The following SH3KBP1 variants were observed in gnomAD, a reference collection of about 807,000 sequenced individuals.
The protein encoded by SH3KBP1 is SH3 domain containing kinase binding protein 1.
Under a neutral mutation model 50.1 loss-of-function variants are expected in SH3KBP1, and 8 were observed. That is an observed-to-expected ratio of 0.16 (90% CI 0.09 to 0.29). The LOEUF is 0.29. Among genes scored for constraint, SH3KBP1 ranks in the 10% least tolerant of loss-of-function variants. The pLI is 1.00. For synonymous variants in SH3KBP1, 227 were observed against 218.6 expected, an observed-to-expected ratio of 1.04 and a Z score of -0.34; for missense variants, 377 against 535.2, an observed-to-expected ratio of 0.70 and a Z score of 2.92.
At chrX:19,630,928 G>A (rs2061561134) in intron 8 of SH3KBP1, among the ~76,000 whole-genome samples, 1 of 111,590 alleles carries the variant, frequency 9.0e-6, no homozygotes. Context: ...CTCAGTAATG[G>A]CCACAGTCGG....
intron 2 of SH3KBP1, among the ~76,000 whole-genome samples, chrX:19,788,863 C>A (rs1464896637): frequency 1.8e-5 from 2 of 112,392 alleles, no homozygotes; most frequent in Non-Finnish European, 3.8e-5. Context: ...CGGTGGCTCA[C>A]GCCTGTAATC....
chrX:19,782,628 A>G (rs141946120), intron 2 of SH3KBP1, among the ~76,000 whole-genome samples: 20 of 111,919 alleles, frequency 1.8e-4, no homozygotes, highest in Non-Finnish European at 2.8e-4. Context: ...ACCTAGTGAC[A>G]TTCTGAGAAT....
intron 7 of SH3KBP1, among the ~76,000 whole-genome samples, chrX:19,642,472 C>T (rs2061881834): frequency 8.9e-6 from 1 of 112,269 alleles, no homozygotes; most frequent in Non-Finnish European, 1.9e-5. Flanking sequence ...GTCCTGCAGT[C>T]ATAATTTATG....
chrX:19,572,583 A>T (rs933680132), intron 12 of SH3KBP1, among the ~76,000 whole-genome samples: 1 of 109,588 alleles, frequency 9.1e-6, no homozygotes, highest in Non-Finnish European at 1.9e-5. Flanking sequence ...TTTTTAAGAC[A>T]TGGTCTCATT....
chrX:19,712,849 T>C (rs2063811924), intron 3 of SH3KBP1, among the ~76,000 whole-genome samples: 1 of 111,608 alleles, frequency 9.0e-6, no homozygotes, highest in African/African-American at 3.3e-5. Flanking sequence ...ACATCACCTA[T>C]AGAATACTTC....
At chrX:19,564,469 A>G (rs1488568250) in intron 13 of SH3KBP1, among the ~76,000 whole-genome samples, 7 of 109,128 alleles carry the variant, frequency 6.4e-5, no homozygotes, top group Non-Finnish European at 9.5e-5. Flanking sequence ...CAAATCCAAT[A>G]CTCTTTCTAT....
chrX:19,724,835 G>A (rs907283323), intron 3 of SH3KBP1, among the ~76,000 whole-genome samples: 2 of 111,729 alleles, frequency 1.8e-5, no homozygotes, highest in African/African-American at 6.5e-5. Context: ...CTGCTTTTGA[G>A]GCAGGGTTAT....
chrX:19,766,683 T>G (rs1182714954), intron 2 of SH3KBP1, among the ~76,000 whole-genome samples: 1 of 107,370 alleles, frequency 9.3e-6, no homozygotes. Flanking sequence ...TTTTGTATTT[T>G]TAGTAGAGAT....
At chrX:19,856,498 T>C (rs1292937508) in intron 1 of SH3KBP1, among the ~76,000 whole-genome samples, 2 of 111,748 alleles carry the variant, frequency 1.8e-5, no homozygotes, top group African/African-American at 3.3e-5. Context: ...ACATCCCCAC[T>C]TCCTTTTCTC....
At chrX:19,660,150 C>T (rs1446893136) in intron 6 of SH3KBP1, among the ~76,000 whole-genome samples, 1 of 112,471 alleles carries the variant, frequency 8.9e-6, no homozygotes, top group South Asian at 3.7e-4. Flanking sequence ...AGAAGACTTA[C>T]AGTTATGCAA....
chrX:19,668,972 A>T (rs963974883), intron 6 of SH3KBP1, among the ~76,000 whole-genome samples: 4,160 of 52,076 alleles, frequency 0.08, 338 homozygotes, highest in African/African-American at 0.31. Flanking sequence ...ATATATATAT[A>T]TATTTTTTGA....
At chrX:19,641,929 C>T (rs1375777839) in intron 7 of SH3KBP1, among the ~76,000 whole-genome samples, 1 of 111,753 alleles carries the variant, frequency 8.9e-6, no homozygotes, top group Non-Finnish European at 1.9e-5. Flanking sequence ...AGCCTTGGAC[C>T]TCCTGGGCTC....
chrX:19,572,666 G>C (rs2066081022), intron 12 of SH3KBP1, among the ~76,000 whole-genome samples: 1 of 110,475 alleles, frequency 9.1e-6, no homozygotes, highest in Non-Finnish European at 1.9e-5. Flanking sequence ...TGGATTTTAT[G>C]CATCAGTGTG....
chrX:19,621,073 CTT>C (rs1186690221), intron 8 of SH3KBP1, among the ~76,000 whole-genome samples: 1 of 32,674 alleles, frequency 3.1e-5, no homozygotes, highest in Non-Finnish European at 5.9e-5. Context: ...TCTTTTCTTT[CTT>C]TTTTTTTTTT....
intron 8 of SH3KBP1, among the ~76,000 whole-genome samples, chrX:19,615,163 A>AC (rs974251641): frequency 3.5e-5 from 4 of 112,906 alleles, no homozygotes; most frequent in Non-Finnish European, 7.5e-5. Flanking sequence ...AAGGAAGGCT[A>AC]CATTTTCTCA....
In SH3KBP1 at chrX:19,794,746, C is replaced by G. The variant is rs138768323; in HGVS notation, c.162+41379G>C. Among the ~76,000 whole-genome samples, 552 of 111,771 alleles carry G rather than the reference C, an allele frequency of 4.9e-3. 3 individuals carry two copies. Among genetic ancestry groups the G allele is most frequent in the African/African-American group, 0.017 (524 of 30,768 alleles). On this transcript the variant is annotated intron_variant, in intron 2 of 17. Coordinates refer to ENST00000397821, the MANE Select transcript of SH3KBP1 (RefSeq NM_031892.3). ...AATAAAATAAAGAAGAAAATGATAA[C>G]AGTGCCTGCCTCACAGCCTTGTAGT...
rs1031143555 is a variant in SH3KBP1 at position 19,660,496 on chromosome X, A to G, written c.727-15021T>C. Among the ~76,000 whole-genome samples the G allele has an allele frequency of 3.6e-5, 4 of 111,834 alleles. No homozygotes were observed. In the Admixed American group the frequency reaches 3.8e-4, roughly 11 times the overall value. ...ATAACTGAAAAATGGAAAGAGAAGG[A>G]AAGCAACAGCCATCACCACAGAAGT... On this transcript the variant is annotated intron_variant, in intron 6 of 17. Transcript: ENST00000397821.
chrX:19,853,487 A>G (rs2068563634), intron 1 of SH3KBP1, among the ~76,000 whole-genome samples: 1 of 111,393 alleles, frequency 9.0e-6, no homozygotes, highest in Non-Finnish European at 1.9e-5. Context: ...TGGGTACCTA[A>G]AGGGTGGAAG....
intron 8 of SH3KBP1, among the ~76,000 whole-genome samples, chrX:19,617,038 T>C (rs2067637739): frequency 8.9e-6 from 1 of 112,346 alleles, no homozygotes; most frequent in Non-Finnish European, 1.9e-5. Context: ...GCTCATTCTT[T>C]TGCAGTTCCC....
Sources: allele counts gnomAD v4.1 joint callset (sites outside exome capture counted in the v4.1 genomes callset), GRCh38; gene constraint gnomAD v4.1.1; transcripts MANE v1.5; gene names NCBI Gene and HGNC (gene_info 2026-07-23, HGNC 2026-07-21).